The following GRIK2 variants were observed in gnomAD, a reference collection of about 807,000 sequenced individuals.
GRIK2 encodes glutamate ionotropic receptor kainate type subunit 2, also known as glutamate receptor ionotropic, kainate 2.
A neutral mutation model predicts 100.3 loss-of-function variants in GRIK2; 32 were observed. The ratio of observed to expected loss-of-function variants is 0.32; its 90% CI spans 0.24 to 0.43. The LOEUF is 0.43. Ranked by LOEUF, GRIK2 falls within the 20% of genes least tolerant of loss-of-function variation. The probability of loss-of-function intolerance (pLI) is 1.00; values close to 1 mark genes in which losing one functional copy is unlikely to be tolerated. For missense variants in GRIK2, 843 were observed against 1,114.9 expected (o/e 0.76, Z 3.47); for synonymous variants, 417 against 389.4 (o/e 1.07, Z -0.83).
intron 15 of GRIK2, among the ~76,000 whole-genome samples, chr6:102,051,943 T>A (rs1267841790): frequency 6.6e-6 from 1 of 152,184 alleles, no homozygotes; most frequent in Non-Finnish European, 1.5e-5. Flanking sequence ...CAACATCAGT[T>A]CTTTGTTTGC....
At chr6:101,631,984 A>G (rs2128320643) in intron 4 of GRIK2, among the ~76,000 whole-genome samples, 1 of 152,148 alleles carries the variant, frequency 6.6e-6, no homozygotes, top group African/African-American at 2.4e-5. Context: ...CAAATCCCCC[A>G]CTAATTTATT....
intron 10 of GRIK2, among the ~76,000 whole-genome samples, chr6:101,841,322 C>A (rs1020028895): frequency 1.1e-4 from 16 of 151,942 alleles, no homozygotes; most frequent in African/African-American, 3.9e-4. Context: ...GTTTTGTTAT[C>A]ACTGAATGTT....
intron 12 of GRIK2, among the ~76,000 whole-genome samples, chr6:101,913,444 T>G (rs1374029258): frequency 6.6e-6 from 1 of 151,580 alleles, no homozygotes; most frequent in Non-Finnish European, 1.5e-5. Flanking sequence ...GAAACAATAG[T>G]ATTTTTGAGC....
At chr6:101,987,987 G>T (rs1794112859) in intron 14 of GRIK2, among the ~76,000 whole-genome samples, 2 of 151,242 alleles carry the variant, frequency 1.3e-5, no homozygotes, top group Non-Finnish European at 3.0e-5. Flanking sequence ...TTTACTATTT[G>T]TTTTTATCGG....
chr6:101,441,786 A>G (rs1770080689), intron 2 of GRIK2, among the ~76,000 whole-genome samples: 1 of 152,042 alleles, frequency 6.6e-6, no homozygotes, highest in Admixed American at 6.6e-5. Flanking sequence ...CCTTCCTTCA[A>G]ACTTTTACCC....
intron 2 of GRIK2, among the ~76,000 whole-genome samples, chr6:101,525,078 A>G (rs1487139540): frequency 6.6e-6 from 1 of 152,146 alleles, no homozygotes; most frequent in Admixed American, 6.5e-5. Flanking sequence ...TCAACTCACC[A>G]GTCTAATTGG....
Position 102,055,430 on chromosome 6 carries a change from C to A in GRIK2, c.2412C>A (p.Cys804Ter). 6.2e-7 allele frequency: 1 copy of A among 1,613,504 alleles called. No homozygotes were observed. Among genetic ancestry groups the A allele is most frequent in the Non-Finnish European group, 8.5e-7 (1 of 1,179,560 alleles). The change falls in exon 16 of 17, where the codon TGC becomes TGA. Residue 804 changes from cysteine (C) to a stop codon, truncating the protein, a stop_gained. Transcript: ENST00000369134. LOFTEE classifies it high-confidence loss of function. Reference sequence around the variant, plus strand: ...AGAAATGGTGGAGGGGCAATGGTTGCCCAGAAGAGGAGAGCAAAGAGGCCA... The same window carrying A: ...AGAAATGGTGGAGGGGCAATGGTTGACCAGAAGAGGAGAGCAAAGAGGCCA... ...MKEKWWRGNGCPEEESKEASA... is the reference protein window; with the variant it reads ...MKEKWWRGNG
intron 12 of GRIK2, among the ~76,000 whole-genome samples, chr6:101,924,139 ATC>A (rs1789737227): frequency 6.6e-6 from 1 of 151,924 alleles, no homozygotes; most frequent in African/African-American, 2.4e-5. Flanking sequence ...GATTATTTTA[ATC>A]TCTGTTACTT....
intron 15 of GRIK2, among the ~76,000 whole-genome samples, chr6:102,048,955 T>A (rs1771037704): frequency 6.6e-6 from 1 of 152,138 alleles, no homozygotes; most frequent in South Asian, 2.1e-4. Flanking sequence ...CCCTTTAGAC[T>A]TTTAACAAAA....
intron 11 of GRIK2, among the ~76,000 whole-genome samples, chr6:101,885,579 A>AT (rs1246901209): frequency 6.6e-6 from 1 of 151,940 alleles, no homozygotes; most frequent in Non-Finnish European, 1.5e-5. Context: ...AATATAGCAC[A>AT]TTTTTCCCTC....
At chr6:101,812,380 C>T (rs923427481) in intron 9 of GRIK2, among the ~76,000 whole-genome samples, 2 of 151,612 alleles carry the variant, frequency 1.3e-5, no homozygotes, top group African/African-American at 4.8e-5. Context: ...TTTGTGAAGG[C>T]ACTTAGAGTT....
Position 101,404,045 on chromosome 6 carries a change from C to T in GRIK2, c.115+4653C>T, listed in dbSNP as rs532900273. Reference sequence around the variant, plus strand: ...ATCTTTTTGTCTTCTAGAAATTGCACGCTTTCTCTACCCAGATACATGAAA... The same window carrying T: ...ATCTTTTTGTCTTCTAGAAATTGCATGCTTTCTCTACCCAGATACATGAAA... On this transcript the variant is annotated intron_variant, in intron 2 of 16. Coordinates refer to ENST00000369134, the MANE Select transcript of GRIK2 (RefSeq NM_021956.5). 7.2e-5 allele frequency among the ~76,000 whole-genome samples: 11 copies of T among 152,334 alleles called. No homozygotes were observed. In the East Asian group the frequency reaches 1.9e-3, roughly 27 times the overall value.
At chr6:101,844,857 A>G (rs991397001) in intron 10 of GRIK2, among the ~76,000 whole-genome samples, 1 of 152,104 alleles carries the variant, frequency 6.6e-6, no homozygotes, top group African/African-American at 2.4e-5. Flanking sequence ...AAAATTCATC[A>G]TTTTCACCAA....
intron 1 of GRIK2, among the ~76,000 whole-genome samples, chr6:101,396,245 C>CG (rs1562107342): frequency 1.5e-5 from 2 of 137,220 alleles, no homozygotes; most frequent in Admixed American, 1.4e-4. Flanking sequence ...TTAGCATTCC[C>CG]CCCCCCCCCA....
At chr6:101,425,900 C>A (rs1776675269) in intron 2 of GRIK2, among the ~76,000 whole-genome samples, 1 of 152,190 alleles carries the variant, frequency 6.6e-6, no homozygotes, top group Non-Finnish European at 1.5e-5. Flanking sequence ...TACTGATTGG[C>A]AAGTCTCACT....
intron 14 of GRIK2, among the ~76,000 whole-genome samples, chr6:102,004,448 A>T (rs1409097778): frequency 6.6e-6 from 1 of 151,760 alleles, no homozygotes; most frequent in Admixed American, 6.6e-5. Context: ...TGCTTTTATG[A>T]TCTGGTCTCA....
intron 4 of GRIK2, among the ~76,000 whole-genome samples, chr6:101,663,377 G>A (rs529118648): frequency 2.6e-5 from 4 of 152,122 alleles, no homozygotes; most frequent in South Asian, 2.1e-4. Flanking sequence ...TAAGACAGGC[G>A]TACATCTGAA....
At chr6:101,503,329 C>T (rs367815113) in intron 2 of GRIK2, among the ~76,000 whole-genome samples, 8 of 152,050 alleles carry the variant, frequency 5.3e-5, no homozygotes, top group Admixed American at 2.0e-4. Flanking sequence ...GTAGACTACT[C>T]CTTTTCAAGA....
At chr6:101,498,352 G>A (rs1773562473) in intron 2 of GRIK2, among the ~76,000 whole-genome samples, 1 of 152,090 alleles carries the variant, frequency 6.6e-6, no homozygotes, top group Non-Finnish European at 1.5e-5. Flanking sequence ...CTTTATAGCA[G>A]CATGATTTAT....
Sources: gnomAD v4.1 joint callset for allele counts (sites outside exome capture counted in the v4.1 genomes callset) on GRCh38, gnomAD v4.1.1 for gene constraint, MANE v1.5 for transcripts, NCBI Gene and HGNC (gene_info 2026-07-23, HGNC 2026-07-21) for gene names.